NME9: variants seen among roughly 807,000 people sequenced by gnomAD.
NME9 encodes the protein thioredoxin domain-containing protein 6.
NME9 carries 48 observed loss-of-function variants against 44.4 expected under a neutral mutation model. That is an observed-to-expected ratio of 1.08 (90% confidence interval 0.86 to 1.37). The LOEUF (loss-of-function observed/expected upper bound fraction) is 1.37. Ranked by LOEUF, NME9 falls within the 40% of genes most tolerant of loss-of-function variation. The pLI, the probability that NME9 is intolerant of heterozygous loss-of-function variation, is 0.00. For missense variants in NME9, 325 were observed against 405.2 expected (o/e 0.80, Z 1.70); for synonymous variants, 139 against 147.1 (o/e 0.94, Z 0.40).
chr3:138,270,594 A>T (rs1369648777), intron 8 of NME9, among the ~76,000 whole-genome samples: 1 of 152,208 alleles, frequency 6.6e-6, no homozygotes, highest in African/African-American at 2.4e-5. Context: ...GTGTGTTTAT[A>T]AAGTACAACA....
intron 6 of NME9, among the ~76,000 whole-genome samples, chr3:138,313,917 G>C (rs1437906204): frequency 6.6e-6 from 1 of 152,178 alleles, no homozygotes; most frequent in African/African-American, 2.4e-5. Context: ...GAAGTGGAGA[G>C]AGAGGAATGA....
chr3:138,269,272 C>G (rs1354797962), intron 8 of NME9, among the ~76,000 whole-genome samples: 1 of 152,098 alleles, frequency 6.6e-6, no homozygotes, highest in African/African-American at 2.4e-5. Context: ...TTGCTTCTGA[C>G]GTTTCTATAA....
intron 8 of NME9, among the ~76,000 whole-genome samples, chr3:138,271,298 T>C (rs1464103417): frequency 1.3e-5 from 2 of 152,210 alleles, no homozygotes; most frequent in Admixed American, 1.3e-4. Flanking sequence ...TTCAACCTCT[T>C]CTCTGAGAAC....
At chr3:138,289,173 C>G (rs992113203) in intron 8 of NME9, 1 of 1,418,098 alleles carries the variant, frequency 7.1e-7, no homozygotes, top group Non-Finnish European at 9.9e-7. Context: ...GAGTGTCTTG[C>G]ACAGGGAAGC....
At chr3:138,324,956 G>A (rs758124588) in intron 1 of NME9, 26 bp from the exon 2 acceptor site, 79 of 1,592,116 alleles carry the variant, frequency 5.0e-5, no homozygotes, top group African/African-American at 9.4e-5. Flanking sequence ...ATCAAATGCC[G>A]TATTACTGAG....
At chr3:138,293,785 CA>C (rs2051213715) in intron 8 of NME9, among the ~76,000 whole-genome samples, 1 of 152,116 alleles carries the variant, frequency 6.6e-6, no homozygotes, top group Non-Finnish European at 1.5e-5. Context: ...GAAGTAAAAA[CA>C]AATTTTACTT....
chr3:138,265,253 T>G (rs1250230909), intron 8 of NME9, among the ~76,000 whole-genome samples: 2 of 151,982 alleles, frequency 1.3e-5, no homozygotes, highest in Non-Finnish European at 2.9e-5. Context: ...TCAGGCCCCT[T>G]TTGTCCCCCC....
At chr3:138,261,784 T>C (rs2047770562) in exon 9 of NME9, 1 of 152,272 alleles carries the variant, frequency 6.6e-6, no homozygotes, top group African/African-American at 2.4e-5. Flanking sequence ...GGCTTTGAGC[T>C]TGAAGTACCC....
intron 8 of NME9, among the ~76,000 whole-genome samples, chr3:138,279,720 A>G (rs2049687897): frequency 6.6e-6 from 1 of 152,200 alleles, no homozygotes; most frequent in African/African-American, 2.4e-5. Context: ...TTTTTAATAG[A>G]AATAGGACTA....
intron 8 of NME9, chr3:138,270,111 G>A (rs549098620): frequency 1.2e-6 from 2 of 1,612,872 alleles, no homozygotes; most frequent in African/African-American, 2.7e-5. Flanking sequence ...CTTTACGAGT[G>A]AATGGAATTT....
chr3:138,265,053 A>G (rs1249350871), intron 8 of NME9, among the ~76,000 whole-genome samples: 2 of 151,764 alleles, frequency 1.3e-5, no homozygotes, highest in Non-Finnish European at 2.9e-5. Context: ...ATGTGCCACT[A>G]TGCCTGGCTA....
intron 3 of NME9, among the ~76,000 whole-genome samples, chr3:138,318,442 CG>C (rs112667677): frequency 0.084 from 12,763 of 151,956 alleles, 1,763 homozygotes; most frequent in African/African-American, 0.29. Context: ...ATCTCCTACC[CG>C]CCCCCCAGCT....
intron 8 of NME9, among the ~76,000 whole-genome samples, chr3:138,264,408 C>CTTTCTT (rs2048053473): frequency 9.4e-6 from 1 of 105,948 alleles, no homozygotes; most frequent in Non-Finnish European, 1.9e-5. Flanking sequence ...GCCTGATTTT[C>CTTTCTT]TTTCTTTTTT....
intron 1 of NME9, among the ~76,000 whole-genome samples, chr3:138,327,926 A>G (rs2053895561): frequency 6.6e-6 from 1 of 152,188 alleles, no homozygotes; most frequent in South Asian, 2.1e-4. Flanking sequence ...AATATGGGGC[A>G]ATAACATTAG....
intron 8 of NME9, chr3:138,273,169 AAG>A: frequency 1.3e-6 from 2 of 1,529,696 alleles, no homozygotes; most frequent in Admixed American, 3.7e-5. Context: ...TATGCATTGC[AAG>A]ACATTGCTCT....
intron 1 of NME9, among the ~76,000 whole-genome samples, chr3:138,326,513 A>T (rs1452036209): frequency 1.3e-5 from 2 of 152,162 alleles, no homozygotes. Context: ...GGCTCACTGC[A>T]ACCTCTGCCT....
At chr3:138,289,332 C>CT (rs1475979603) in intron 8 of NME9, among the ~76,000 whole-genome samples, 1 of 152,120 alleles carries the variant, frequency 6.6e-6, no homozygotes, top group Non-Finnish European at 1.5e-5. Context: ...GGAGCCAACT[C>CT]TATACCAGAT....
intron 4 of NME9, among the ~76,000 whole-genome samples, 194 bp downstream of exon 4, chr3:138,317,954 G>A (rs1317352328): frequency 1.3e-5 from 2 of 152,054 alleles, no homozygotes; most frequent in Non-Finnish European, 2.9e-5. Flanking sequence ...GGGGGTGGGG[G>A]TGTCATGTAG....
intron 7 of NME9, 62 bp from the exon 8 acceptor site, chr3:138,306,158 T>TA: frequency 8.1e-7 from 1 of 1,229,350 alleles, no homozygotes; most frequent in East Asian, 2.3e-5. Context: ...ATTGATTAAT[T>TA]AATTTAGTTG....
Sources: allele counts gnomAD v4.1 joint callset (sites outside exome capture counted in the v4.1 genomes callset), GRCh38; gene constraint gnomAD v4.1.1; transcripts MANE v1.5; gene names NCBI Gene and HGNC (gene_info 2026-07-23, HGNC 2026-07-21).